Variants in LPAR1 observed in about 807,000 individuals in gnomAD.
LPAR1 encodes the protein lysophosphatidic acid receptor 1, also known as LPA receptor 1.
In LPAR1, 5 loss-of-function variants were observed where a neutral mutation model predicts 23.8. The ratio of observed to expected loss-of-function variants is 0.21; its 90% CI spans 0.11 to 0.44. LPAR1 has a LOEUF of 0.44. Ranked by LOEUF, LPAR1 falls within the 20% of genes least tolerant of loss-of-function variation. The probability of loss-of-function intolerance (pLI) is 0.99; values close to 1 mark genes in which losing one functional copy is unlikely to be tolerated. For synonymous variants in LPAR1, 160 were observed against 164.7 expected (o/e 0.97, Z 0.22); for missense variants, 311 against 482.8 (o/e 0.64, Z 3.33).
At chr9:111,024,024 C>T (rs972356505) in intron 2 of LPAR1, among the ~76,000 whole-genome samples, 16 of 152,060 alleles carry the variant, frequency 1.1e-4, no homozygotes, top group Middle Eastern at 3.2e-3. Context: ...TAAAAATATA[C>T]GAGGAAAAAG....
intron 5 of LPAR1, among the ~76,000 whole-genome samples, chr9:110,926,077 C>T (rs1381190084): frequency 2.6e-5 from 4 of 152,126 alleles, no homozygotes; most frequent in Non-Finnish European, 5.9e-5. Context: ...CCTGCCACTG[C>T]GCCCGGCTAA....
intron 5 of LPAR1, among the ~76,000 whole-genome samples, chr9:110,930,239 G>A (rs1447820247): frequency 3.3e-5 from 5 of 152,072 alleles, no homozygotes; most frequent in Non-Finnish European, 7.4e-5. Flanking sequence ...CCTTTCCACC[G>A]GACGTGGTGG....
intron 5 of LPAR1, among the ~76,000 whole-genome samples, chr9:110,911,575 G>C (rs1282847851): frequency 1.3e-5 from 2 of 151,886 alleles, no homozygotes; most frequent in Non-Finnish European, 2.9e-5. Flanking sequence ...AAAAAATTAA[G>C]AAGCAGACTT....
At chr9:111,017,204 G>A (rs1437607965) in intron 2 of LPAR1, among the ~76,000 whole-genome samples, 2 of 151,998 alleles carry the variant, frequency 1.3e-5, no homozygotes, top group Admixed American at 6.6e-5. Flanking sequence ...CCTTGGTCTC[G>A]GTCTCTGCTT....
At chr9:110,986,448 T>G (rs1366662887) in intron 2 of LPAR1, among the ~76,000 whole-genome samples, 1 of 152,150 alleles carries the variant, frequency 6.6e-6, no homozygotes, top group Non-Finnish European at 1.5e-5. Flanking sequence ...CTCATGCCTG[T>G]AATTCCAGCA....
chr9:110,928,257 T>C (rs1017852169), intron 5 of LPAR1, among the ~76,000 whole-genome samples: 2 of 152,202 alleles, frequency 1.3e-5, no homozygotes, highest in African/African-American at 2.4e-5. Flanking sequence ...GCTTTTTAAA[T>C]TTACAAATGC....
At chr9:110,958,858 T>TAA (rs199964171) in intron 4 of LPAR1, among the ~76,000 whole-genome samples, 605 of 128,772 alleles carry the variant, frequency 4.7e-3, no homozygotes, top group African/African-American at 7.4e-3. Flanking sequence ...AGTCAAGAGT[T>TAA]AAAAAAAAAA....
At chr9:110,916,681 T>C (rs553766835) in intron 5 of LPAR1, among the ~76,000 whole-genome samples, 85 of 152,214 alleles carry the variant, frequency 5.6e-4, no homozygotes, top group African/African-American at 1.9e-3. Context: ...AACAGCCTCC[T>C]AATGAGGCAG....
intron 4 of LPAR1, among the ~76,000 whole-genome samples, chr9:110,963,215 T>A (rs1040583636): frequency 3.9e-5 from 6 of 152,350 alleles, no homozygotes; most frequent in African/African-American, 1.4e-4. Flanking sequence ...TACAATTTCA[T>A]CTTATGAATA....
chr9:110,976,859 C>A (rs964675360), intron 2 of LPAR1, among the ~76,000 whole-genome samples: 1 of 152,148 alleles, frequency 6.6e-6, no homozygotes, highest in Admixed American at 6.5e-5. Flanking sequence ...CATTCCTTTA[C>A]AATCACTGGG....
intron 5 of LPAR1, among the ~76,000 whole-genome samples, chr9:110,930,753 T>C (rs2094355815): frequency 1.3e-5 from 2 of 151,822 alleles, no homozygotes; most frequent in Non-Finnish European, 2.9e-5. Context: ...CCGTCTCTAC[T>C]AAAACTTCAA....
chr9:111,018,507 C>T (rs765044153), intron 2 of LPAR1, among the ~76,000 whole-genome samples: 1 of 152,080 alleles, frequency 6.6e-6, no homozygotes, highest in East Asian at 1.9e-4. Flanking sequence ...CCATTTACTG[C>T]ATACTATTAA....
At chr9:111,009,907 T>C (rs1460333389) in intron 2 of LPAR1, among the ~76,000 whole-genome samples, 1 of 150,682 alleles carries the variant, frequency 6.6e-6, no homozygotes, top group African/African-American at 2.4e-5. Flanking sequence ...TAAGTTACTA[T>C]GATTTTTATA....
chr9:110,917,982 A>G (rs2093330390), intron 5 of LPAR1, among the ~76,000 whole-genome samples: 1 of 152,164 alleles, frequency 6.6e-6, no homozygotes, highest in South Asian at 2.1e-4. Flanking sequence ...AGCTCACTGT[A>G]GCCTCCACCT....
At chr9:110,938,932 T>C (rs1376137335) in intron 5 of LPAR1, among the ~76,000 whole-genome samples, 1 of 152,150 alleles carries the variant, frequency 6.6e-6, no homozygotes, top group Non-Finnish European at 1.5e-5. Context: ...ATTAGTGCTG[T>C]TCTGTGCTAC....
intron 2 of LPAR1, among the ~76,000 whole-genome samples, chr9:110,980,823 T>C (rs2096651206): frequency 6.6e-6 from 1 of 152,114 alleles, no homozygotes; most frequent in South Asian, 2.1e-4. Flanking sequence ...TTTGAGGTGA[T>C]GGATATGTTA....
chr9:111,036,377 G>GA lies in LPAR1; in HGVS notation c.-261-177dup, dbSNP rs34393299. 4.0e-3 allele frequency among the ~76,000 whole-genome samples: 486 copies of GA among 122,080 alleles called. 1 individual carries two copies. Among genetic ancestry groups the GA allele is most frequent in the East Asian group, 6.2e-3 (26 of 4,182 alleles). 80.1% of individuals were successfully genotyped at this position (122,080 alleles called of 152,430 possible). ...GTATTATTGAGTCCCTTGAGGAAAG[G>GA]AAAAAAAAAAAAAAAAGAGGAAATG... On this transcript the variant is annotated intron_variant, in intron 1 of 5. Transcript: ENST00000683809.
chr9:110,956,696 T>C (rs918046273), intron 4 of LPAR1, among the ~76,000 whole-genome samples: 6 of 151,920 alleles, frequency 3.9e-5, no homozygotes, highest in Non-Finnish European at 7.4e-5. Flanking sequence ...CTAGAGGAAA[T>C]GGATACATTC....
Position 110,874,104 on chromosome 9 carries a change from C to T in LPAR1, c.*1317G>A, listed in dbSNP as rs2132151789. 6.5e-6 allele frequency: 1 copy of T among 152,684 alleles called. No homozygotes were observed. Among genetic ancestry groups the T allele is most frequent in the South Asian group, 2.1e-4 (1 of 4,834 alleles). The allele number at this position is 152,684 out of a possible 1,614,324, so 9.5% of individuals were successfully genotyped here. On this transcript the variant is annotated 3_prime_UTR_variant, in exon 6 of 6. Coordinates refer to ENST00000683809, the MANE Select transcript of LPAR1 (RefSeq NM_001351411.2). ...AAGGTGTAAGTACAAGATGACATTTCACATTTTTTTAAAAAAAGAATCCTT... is the reference window on the plus strand; with the variant it reads ...AAGGTGTAAGTACAAGATGACATTTTACATTTTTTTAAAAAAAGAATCCTT...
Sources: allele counts gnomAD v4.1 joint callset (sites outside exome capture counted in the v4.1 genomes callset), GRCh38; gene constraint gnomAD v4.1.1; transcripts MANE v1.5; gene names NCBI Gene and HGNC (gene_info 2026-07-23, HGNC 2026-07-21).